TSHZ1: variants seen among roughly 807,000 people sequenced by gnomAD.
TSHZ1 encodes the protein teashirt homolog 1.
Under a neutral mutation model 67.1 loss-of-function variants are expected in TSHZ1, and 12 were observed. The ratio of observed to expected loss-of-function variants is 0.18; its 90% CI spans 0.11 to 0.29. TSHZ1 has a LOEUF of 0.29. Among genes scored for constraint, TSHZ1 ranks in the 10% least tolerant of loss-of-function variants. The pLI is 1.00. For missense variants in TSHZ1, 1,305 were observed against 1,413.9 expected (o/e 0.92, Z 1.23); for synonymous variants, 632 against 622.4 (o/e 1.02, Z -0.23).
chr18:75,231,983 A>G (rs1400390295), intron 1 of TSHZ1, among the ~76,000 whole-genome samples: 3 of 152,098 alleles, frequency 2.0e-5, no homozygotes, highest in African/African-American at 7.2e-5. Flanking sequence ...AACTCAGCTC[A>G]CTGCAACCTC....
intron 1 of TSHZ1, among the ~76,000 whole-genome samples, chr18:75,248,068 A>G (rs1338018064): frequency 2.0e-5 from 3 of 152,224 alleles, no homozygotes; most frequent in South Asian, 4.1e-4. Context: ...GGTTGGAACA[A>G]TAGAAGCCAT....
intron 1 of TSHZ1, among the ~76,000 whole-genome samples, chr18:75,263,508 CTT>C (rs1172974449): frequency 1.3e-5 from 2 of 152,156 alleles, no homozygotes; most frequent in Non-Finnish European, 2.9e-5. Context: ...ATTCCTAACT[CTT>C]AACATAATTA....
At chr18:75,258,113 G>A (rs962086422) in intron 1 of TSHZ1, among the ~76,000 whole-genome samples, 7 of 152,292 alleles carry the variant, frequency 4.6e-5, no homozygotes, top group Middle Eastern at 3.4e-3. Flanking sequence ...TCACCTGAGC[G>A]TGACTCGGTG....
At chr18:75,252,779 A>G (rs985825865) in intron 1 of TSHZ1, among the ~76,000 whole-genome samples, 5 of 152,132 alleles carry the variant, frequency 3.3e-5, no homozygotes, top group African/African-American at 2.4e-5. Flanking sequence ...TTCCATTTTG[A>G]TTTCAATGAA....
intron 1 of TSHZ1, among the ~76,000 whole-genome samples, chr18:75,234,280 G>A (rs1006283320): frequency 2.6e-4 from 39 of 152,112 alleles, no homozygotes; most frequent in African/African-American, 7.2e-4. Flanking sequence ...CCCTGCGGCC[G>A]CCCTGGGCCC....
chr18:75,288,688 G>A lies in TSHZ1; in HGVS notation c.*47G>A, dbSNP rs202075424. 1.4e-5 allele frequency: 22 copies of A among 1,531,104 alleles called. No individual in the cohort carries two copies. The highest frequency in any genetic ancestry group is 6.8e-5 in the East Asian group (3 of 44,204). 94.8% of individuals were successfully genotyped at this position (1,531,104 alleles called of 1,614,324 possible). ...GCGGAACATTGCACTAAACGTCGTC[G>A]AGCTGCACTAGGCCTGGCCTGAGCC... On this transcript the variant is annotated 3_prime_UTR_variant, in exon 2 of 2. Transcript: ENST00000580243. This position sits in a 1 kb window ranked among gnomAD's most constrained non-coding sequence, Gnocchi z 4.9.
intron 1 of TSHZ1, among the ~76,000 whole-genome samples, chr18:75,280,235 G>A (rs2023667823): frequency 6.6e-6 from 1 of 152,186 alleles, no homozygotes; most frequent in South Asian, 2.1e-4. Flanking sequence ...GTGTGTAAAA[G>A]GACATCTTGT....
Position 75,217,382 on chromosome 18 carries a change from G to GT in TSHZ1, c.40+5476dup, listed in dbSNP as rs139184741. Among the ~76,000 whole-genome samples the GT allele has an allele frequency of 2.2e-3, 335 of 149,512 alleles. 1 individual carries two copies. The highest frequency in any genetic ancestry group is 6.9e-3 in the African/African-American group (283 of 40,840). On this transcript the variant is annotated intron_variant, in intron 1 of 1. Coordinates refer to ENST00000580243, the MANE Select transcript of TSHZ1 (RefSeq NM_001308210.2). ...TTGTCCCCTCTCCCCTCCTCCAAGG[G>GT]TTTTTTTTTTCTACTTTCTGTTTTT...
Position 75,226,967 on chromosome 18 carries a change from AC to A in TSHZ1, c.40+15054del, listed in dbSNP as rs369504325. ...AGGTCCTGCCTGGGAAGGTTCTGAGACCCAAAGGAGTGATTGTTCCAAGCCC... is the reference window on the plus strand; with the variant it reads ...AGGTCCTGCCTGGGAAGGTTCTGAGACCAAAGGAGTGATTGTTCCAAGCCC... On this transcript the variant is annotated intron_variant, in intron 1 of 1. Transcript: ENST00000580243. Among the ~76,000 whole-genome samples the A allele has an allele frequency of 8.5e-4, 130 of 152,212 alleles. No homozygotes were observed. The South Asian group carries it at 0.026, about 31-fold the overall frequency.
chr18:75,223,815 C>T (rs765792145), intron 1 of TSHZ1, among the ~76,000 whole-genome samples: 2 of 151,890 alleles, frequency 1.3e-5, no homozygotes, highest in East Asian at 1.9e-4. Context: ...ATTAGAAGGC[C>T]GCTATCCTGT....
At chr18:75,235,929 C>T (rs2023062023) in intron 1 of TSHZ1, among the ~76,000 whole-genome samples, 2 of 152,168 alleles carry the variant, frequency 1.3e-5, no homozygotes, top group African/African-American at 4.8e-5. Flanking sequence ...TCCTGTGCTG[C>T]GGCGTTGACA....
chr18:75,259,792 G>A (rs2023407715), intron 1 of TSHZ1, among the ~76,000 whole-genome samples: 1 of 152,158 alleles, frequency 6.6e-6, no homozygotes, highest in Non-Finnish European at 1.5e-5. Context: ...ATTGGCAAAT[G>A]TTCAGGCTGT....
rs758085601 is a variant in TSHZ1, at chr18:75,287,262, G to A, written c.1855G>A (p.Ala619Thr). The change falls in exon 2 of 2, where the codon GCC becomes ACC. Residue 619 changes from alanine to threonine, a missense_variant. Transcript: ENST00000580243. This position sits in a 1 kb window ranked among gnomAD's most constrained non-coding sequence, Gnocchi z 5.0. ...VKSLSSAEHN[A>T]LLHSPGSLTP... The stretch of plus-strand genomic sequence containing the variant: ...GTCGCTGTCTTCCGCCGAGCACAAC[G>A]CCCTCCTGCACTCCCCAGGGAGCCT... The A allele has an allele frequency of 7.4e-5, 120 of 1,613,822 alleles. No homozygotes were observed. The highest frequency in any genetic ancestry group is 3.5e-4 in the African/African-American group (26 of 74,896).
intron 1 of TSHZ1, chr18:75,284,320 G>T (rs1319404023): frequency 6.6e-6 from 1 of 152,662 alleles, no homozygotes; most frequent in African/African-American, 2.4e-5. Context: ...AGCCCATGAA[G>T]TCGCTCCGCT....
chr18:75,273,893 T>A (rs2023585162), intron 1 of TSHZ1, among the ~76,000 whole-genome samples: 1 of 152,220 alleles, frequency 6.6e-6, no homozygotes, highest in Admixed American at 6.5e-5. Flanking sequence ...TAATTTTAAA[T>A]GTTTTATTCA....
At chr18:75,224,279 G>A (rs1313010965) in intron 1 of TSHZ1, among the ~76,000 whole-genome samples, 1 of 151,964 alleles carries the variant, frequency 6.6e-6, no homozygotes, top group African/African-American at 2.4e-5. Flanking sequence ...ATGTCTATTG[G>A]TGACTAAAGA....
intron 1 of TSHZ1, among the ~76,000 whole-genome samples, chr18:75,224,640 G>A (rs2022896732): frequency 1.3e-5 from 2 of 151,968 alleles, no homozygotes; most frequent in Non-Finnish European, 2.9e-5. Context: ...TGGCTTTATC[G>A]GCTATTTTAA....
At chr18:75,225,431 G>A (rs899017349) in intron 1 of TSHZ1, among the ~76,000 whole-genome samples, 1 of 152,246 alleles carries the variant, frequency 6.6e-6, no homozygotes, top group Non-Finnish European at 1.5e-5. Flanking sequence ...GTGTGTCAGC[G>A]TGATGGCCTG....
At position 75,285,598 on chromosome 18, in the gene TSHZ1, T is replaced by C; in HGVS notation, c.191T>C (p.Val64Ala). Reference sequence around the variant, plus strand: ...GCGCAGAGCTACCAGAACTCCCCAGTCAGCTCTGCGACTAACCAGGACGCC... The same window carrying C: ...GCGCAGAGCTACCAGAACTCCCCAGCCAGCTCTGCGACTAACCAGGACGCC... The part of the protein sequence containing the change: ...KEAQSYQNSP[V>A]SSATNQDAGY... The change falls in exon 2 of 2, where the codon GTC becomes GCC. Residue 64 changes from valine (V) to alanine (A), a missense_variant. By Grantham distance (64) the Val-to-Ala change is moderately conservative (BLOSUM62 0). Coordinates refer to ENST00000580243, the MANE Select transcript of TSHZ1 (RefSeq NM_001308210.2). The C allele has an allele frequency of 6.2e-7, 1 of 1,609,522 alleles. No homozygotes were observed. The highest frequency in any genetic ancestry group is 8.5e-7 in the Non-Finnish European group (1 of 1,176,632).
Sources: gnomAD v4.1 joint callset for allele counts (sites outside exome capture counted in the v4.1 genomes callset) on GRCh38, gnomAD v4.1.1 for gene constraint, Gnocchi (gnomAD v3.1) non-coding constraint, MANE v1.5 for transcripts, NCBI Gene and HGNC (gene_info 2026-07-23, HGNC 2026-07-21) for gene names.